SESTD1: variants seen among roughly 807,000 people sequenced by gnomAD.
SESTD1 encodes the protein SEC14 and spectrin domain containing 1, also known as SEC14 domain and spectrin repeat-containing protein 1.
A neutral mutation model predicts 101.7 loss-of-function variants in SESTD1; 43 were observed. The observed-to-expected ratio is 0.42, with a 90% CI of 0.33 to 0.55. The LOEUF is 0.55. Among genes scored for constraint, SESTD1 ranks in the 20% least tolerant of loss-of-function variants. SESTD1 has a pLI of 0.07. For missense variants in SESTD1, 647 were observed against 815.1 expected (o/e 0.79, Z 2.51); for synonymous variants, 283 against 286.8 (o/e 0.99, Z 0.13).
At position 179,192,291 on chromosome 2, in the gene SESTD1, T is replaced by C. The variant is rs150834966; in HGVS notation, c.-25-425A>G. Among the ~76,000 whole-genome samples, 20 of 152,324 alleles carry C rather than the reference T, an allele frequency of 1.3e-4. No individual in the cohort carries two copies. The East Asian group carries it at 3.9e-3, about 29-fold the overall frequency. ...AACAGGCAGTCAATCTTCCTTTGTG[T>C]TCCTTATTAATTACACAGCTTAATG... is the stretch of plus-strand genomic sequence containing the variant. On this transcript the variant is annotated intron_variant, in intron 1 of 17. Coordinates refer to ENST00000428443, the MANE Select transcript of SESTD1 (RefSeq NM_178123.5).
At chr2:179,115,004 CAT>C in intron 16 of SESTD1, 59 bp downstream of exon 16, 1 of 1,376,960 alleles carries the variant, frequency 7.3e-7, no homozygotes. Context: ...CTAAAATTAA[CAT>C]ATTTTAAACA....
At chr2:179,239,022 C>G (rs1329977760) in intron 1 of SESTD1, among the ~76,000 whole-genome samples, 1 of 152,102 alleles carries the variant, frequency 6.6e-6, no homozygotes, top group Non-Finnish European at 1.5e-5. Flanking sequence ...ATTTATTAAT[C>G]ACGACTAATG....
intron 1 of SESTD1, among the ~76,000 whole-genome samples, chr2:179,228,296 C>G (rs111454796): frequency 0.012 from 1,878 of 152,170 alleles, 19 homozygotes; most frequent in South Asian, 0.021. Flanking sequence ...TACTCCCGGC[C>G]TGAATATTAT....
At chr2:179,256,099 A>G (rs2047389348) in intron 1 of SESTD1, among the ~76,000 whole-genome samples, 1 of 152,138 alleles carries the variant, frequency 6.6e-6, no homozygotes, top group African/African-American at 2.4e-5. Context: ...TCTGATGGAG[A>G]TGTACAAGGA....
intron 1 of SESTD1, among the ~76,000 whole-genome samples, chr2:179,254,387 C>G (rs1054407949): frequency 1.3e-5 from 2 of 152,158 alleles, no homozygotes; most frequent in African/African-American, 4.8e-5. Flanking sequence ...CTGAACCAAT[C>G]TGACTGCTAA....
chr2:179,188,654 G>A (rs577366699), intron 2 of SESTD1, among the ~76,000 whole-genome samples: 2 of 152,148 alleles, frequency 1.3e-5, no homozygotes, highest in African/African-American at 4.8e-5. Flanking sequence ...AAAAAAAGGG[G>A]TGGGGGGCTG....
intron 5 of SESTD1, among the ~76,000 whole-genome samples, chr2:179,153,500 GCT>G (rs566641194): frequency 6.6e-6 from 1 of 151,776 alleles, no homozygotes; most frequent in Non-Finnish European, 1.5e-5. Flanking sequence ...ACACTCTCTC[GCT>G]CTCTCTCTCA....
At chr2:179,197,167 A>G (rs917466147) in intron 1 of SESTD1, among the ~76,000 whole-genome samples, 1 of 152,202 alleles carries the variant, frequency 6.6e-6, no homozygotes, top group Non-Finnish European at 1.5e-5. Context: ...AGAAAGAAGA[A>G]GCCTCAGGAG....
intron 2 of SESTD1, among the ~76,000 whole-genome samples, chr2:179,185,384 CAT>C (rs2046194214): frequency 6.9e-6 from 1 of 144,300 alleles, no homozygotes; most frequent in South Asian, 2.1e-4. Context: ...ATATATATTA[CAT>C]ATTGTATATA....
chr2:179,114,080 CTA>C (rs1391223361), intron 16 of SESTD1, among the ~76,000 whole-genome samples: 2 of 150,258 alleles, frequency 1.3e-5, no homozygotes, highest in East Asian at 1.9e-4. Context: ...GGTATGTTTT[CTA>C]TGTTAATAGT....
chr2:179,184,581 A>C (rs535279062), intron 2 of SESTD1, among the ~76,000 whole-genome samples: 2 of 152,170 alleles, frequency 1.3e-5, no homozygotes, highest in African/African-American at 4.8e-5. Flanking sequence ...ATGGATTAAC[A>C]CAAGTGGTTT....
chr2:179,250,141 T>G lies in SESTD1; in HGVS notation c.-26+14358A>C, dbSNP rs117066826. On this transcript the variant is annotated intron_variant, in intron 1 of 17. Coordinates refer to ENST00000428443, the MANE Select transcript of SESTD1 (RefSeq NM_178123.5). ...CCACATATTCAATAAAGAACTAGTT[T>G]CTAGAATACATAGAGAAGGCTTGAA... Among the ~76,000 whole-genome samples, 104 of 152,048 alleles carry G rather than the reference T, an allele frequency of 6.8e-4. 1 individual carries two copies. The East Asian group carries it at 0.02, about 29-fold the overall frequency.
chr2:179,145,023 G>A (rs2045363712), intron 8 of SESTD1, among the ~76,000 whole-genome samples: 1 of 152,014 alleles, frequency 6.6e-6, no homozygotes, highest in Admixed American at 6.6e-5. Context: ...AAAATAAGCT[G>A]TATATCATAC....
At chr2:179,249,394 T>C (rs2047281380) in intron 1 of SESTD1, among the ~76,000 whole-genome samples, 1 of 151,682 alleles carries the variant, frequency 6.6e-6, no homozygotes, top group South Asian at 2.1e-4. Context: ...AACAATGAAA[T>C]TTAAAAAACA....
At chr2:179,172,888 C>A (rs575578614) in intron 4 of SESTD1, among the ~76,000 whole-genome samples, 1 of 152,140 alleles carries the variant, frequency 6.6e-6, no homozygotes, top group Non-Finnish European at 1.5e-5. Context: ...CAAGTTCTAC[C>A]GCCTGCATTG....
intron 17 of SESTD1, among the ~76,000 whole-genome samples, chr2:179,111,800 A>G (rs1188027086): frequency 6.6e-6 from 1 of 151,164 alleles, no homozygotes; most frequent in Non-Finnish European, 1.5e-5. Context: ...GCTCACTGCA[A>G]GCTCCGCCTC....
chr2:179,247,828 T>C (rs1159005933), intron 1 of SESTD1, among the ~76,000 whole-genome samples: 1 of 151,778 alleles, frequency 6.6e-6, no homozygotes, highest in Admixed American at 6.6e-5. Flanking sequence ...TAAACAGAAA[T>C]TTACACTACC....
intron 1 of SESTD1, among the ~76,000 whole-genome samples, chr2:179,201,223 A>G (rs1347854490): frequency 1.5e-5 from 2 of 134,028 alleles, no homozygotes; most frequent in African/African-American, 3.0e-5. Flanking sequence ...CCACAATGAG[A>G]TACCATCTCA....
At chr2:179,244,357 G>T (rs1363645926) in intron 1 of SESTD1, among the ~76,000 whole-genome samples, 2 of 151,922 alleles carry the variant, frequency 1.3e-5, no homozygotes, top group East Asian at 3.9e-4. Context: ...TACTCGGGAG[G>T]CTGAGACAGG....
Sources: allele counts gnomAD v4.1 joint callset (sites outside exome capture counted in the v4.1 genomes callset), GRCh38; gene constraint gnomAD v4.1.1; transcripts MANE v1.5; gene names NCBI Gene and HGNC (gene_info 2026-07-23, HGNC 2026-07-21).